ANKFN1: variants seen among roughly 807,000 people sequenced by gnomAD.
ANKFN1 encodes the protein ankyrin repeat and fibronectin type III domain containing 1.
ANKFN1 carries 74 observed loss-of-function variants against 108.7 expected under a neutral mutation model. That is an observed-to-expected ratio of 0.68 (90% CI 0.56 to 0.83). The LOEUF (loss-of-function observed/expected upper bound fraction) is 0.83. Among genes scored for constraint, ANKFN1 ranks in the 40% least tolerant of loss-of-function variants. The pLI, the probability that ANKFN1 is intolerant of heterozygous loss-of-function variation, is 0.00. For missense variants in ANKFN1, 1,505 were observed against 1,382.3 expected, an observed-to-expected ratio of 1.09 and a Z score of -1.41; for synonymous variants, 547 against 516.2, an observed-to-expected ratio of 1.06 and a Z score of -0.81.
At chr17:56,441,213 G>T (rs2049092172) in intron 9 of ANKFN1, among the ~76,000 whole-genome samples, 1 of 151,882 alleles carries the variant, frequency 6.6e-6, no homozygotes, top group Admixed American at 6.6e-5. Context: ...ACCTTTTTCA[G>T]TCCAATTCAA....
At chr17:56,232,969 C>T (rs1313212781) in intron 3 of ANKFN1, among the ~76,000 whole-genome samples, 1 of 152,082 alleles carries the variant, frequency 6.6e-6, no homozygotes, top group Non-Finnish European at 1.5e-5. Flanking sequence ...CTAGACTTTA[C>T]TGGTTATGTG....
chr17:56,402,745 G>A (rs184261529), intron 8 of ANKFN1, among the ~76,000 whole-genome samples: 1 of 151,998 alleles, frequency 6.6e-6, no homozygotes, highest in African/African-American at 2.4e-5. Flanking sequence ...TTTCTGCTGT[G>A]TTTGGGTTTG....
chr17:56,306,356 C>G (rs556808424), intron 3 of ANKFN1, among the ~76,000 whole-genome samples: 1 of 152,162 alleles, frequency 6.6e-6, no homozygotes, highest in Non-Finnish European at 1.5e-5. Context: ...TTTCAGCATA[C>G]AAGTCCTGTA....
intron 4 of ANKFN1, among the ~76,000 whole-genome samples, chr17:56,071,657 T>C (rs1905122697): frequency 6.6e-6 from 1 of 152,172 alleles, no homozygotes; most frequent in Non-Finnish European, 1.5e-5. Flanking sequence ...TAAAAGGATA[T>C]CTATTACAAC....
intron 3 of ANKFN1, among the ~76,000 whole-genome samples, chr17:56,255,713 G>A (rs1019890275): frequency 1.3e-5 from 2 of 152,078 alleles, no homozygotes; most frequent in Non-Finnish European, 2.9e-5. Context: ...ATTATATATC[G>A]CACAGCATTT....
rs746390697 is a variant in ANKFN1, at chr17:56,466,579, G to GT, written c.1773+15dup. The GT allele has an allele frequency of 6.3e-7, 1 of 1,593,556 alleles. No individual in the cohort carries two copies. The highest frequency in any genetic ancestry group is 8.6e-7 in the Non-Finnish European group (1 of 1,169,076). ...CTACTGATAACCATCCAGGTATGTAGTTTTTTTCTTAATTCCCGGGTATAC... is the reference window on the plus strand; with the variant it reads ...CTACTGATAACCATCCAGGTATGTAGTTTTTTTTCTTAATTCCCGGGTATAC... On this transcript the variant is annotated intron_variant, in intron 15 of 20. Transcript: ENST00000682825.
chr17:56,230,041 C>A (rs569917872), intron 3 of ANKFN1, among the ~76,000 whole-genome samples: 1 of 152,178 alleles, frequency 6.6e-6, no homozygotes, highest in East Asian at 1.9e-4. Flanking sequence ...ATTATTCAAC[C>A]AATACAAATG....
intron 4 of ANKFN1, among the ~76,000 whole-genome samples, chr17:56,053,727 C>G (rs779097243): frequency 6.6e-6 from 1 of 152,042 alleles, no homozygotes; most frequent in Non-Finnish European, 1.5e-5. Context: ...GAGGAAACTC[C>G]GAACTGTTCT....
chr17:56,508,334 T>G (rs1289453943), intron 20 of ANKFN1, among the ~76,000 whole-genome samples: 2 of 152,236 alleles, frequency 1.3e-5, no homozygotes, highest in Non-Finnish European at 2.9e-5. Flanking sequence ...TACCCTCCTC[T>G]GGTTCCACCC....
intron 14 of ANKFN1, among the ~76,000 whole-genome samples, chr17:56,462,498 G>T (rs1341851507): frequency 6.6e-6 from 1 of 152,168 alleles, no homozygotes; most frequent in Non-Finnish European, 1.5e-5. Flanking sequence ...GGAGGCTAAG[G>T]CAGGAGAATC....
At chr17:56,126,354 C>G (rs989839026) in intron 4 of ANKFN1, among the ~76,000 whole-genome samples, 3 of 152,110 alleles carry the variant, frequency 2.0e-5, no homozygotes, top group Non-Finnish European at 4.4e-5. Context: ...CAGCGGATCA[C>G]AATGAAGGCA....
At chr17:56,417,113 T>TA (rs925367801) in intron 8 of ANKFN1, among the ~76,000 whole-genome samples, 21 of 152,054 alleles carry the variant, frequency 1.4e-4, no homozygotes, top group African/African-American at 4.8e-4. Flanking sequence ...GGGTACAAAA[T>TA]AAAAATAGTT....
intron 2 of ANKFN1, among the ~76,000 whole-genome samples, chr17:56,216,012 C>CA: frequency 6.6e-6 from 1 of 152,178 alleles, no homozygotes; most frequent in East Asian, 1.9e-4. Flanking sequence ...TGCTCCGATT[C>CA]ATAAGGAATT....
chr17:56,120,308 G>A (rs1296520189), intron 4 of ANKFN1, among the ~76,000 whole-genome samples: 6 of 152,054 alleles, frequency 3.9e-5, no homozygotes, highest in Non-Finnish European at 7.4e-5. Context: ...TACAAGCCAC[G>A]TTTTCCACTG....
chr17:56,239,810 C>A (rs1462015928), intron 3 of ANKFN1, among the ~76,000 whole-genome samples: 1 of 152,030 alleles, frequency 6.6e-6, no homozygotes, highest in East Asian at 1.9e-4. Flanking sequence ...AAATGGGGTT[C>A]CTCAGATTGA....
At chr17:56,419,247 C>CAATACAGGA in intron 8 of ANKFN1, among the ~76,000 whole-genome samples, 1 of 152,004 alleles carries the variant, frequency 6.6e-6, no homozygotes, top group African/African-American at 2.4e-5. Context: ...TTTGGGAGGC[C>CAATACAGGA]GAGGCGGGCA....
chr17:56,215,238 C>T (rs1168141582), intron 2 of ANKFN1, among the ~76,000 whole-genome samples: 2 of 152,196 alleles, frequency 1.3e-5, no homozygotes, highest in African/African-American at 4.8e-5. Flanking sequence ...TGTGAGAGCA[C>T]CACACTGCAT....
chr17:56,275,253 T>A (rs1023197787), intron 3 of ANKFN1, among the ~76,000 whole-genome samples: 1 of 151,718 alleles, frequency 6.6e-6, no homozygotes, highest in Admixed American at 6.6e-5. Flanking sequence ...GATTTAACCC[T>A]GCTAAAAATT....
At chr17:56,171,614 A>ATT (rs1464056623) in intron 1 of ANKFN1, among the ~76,000 whole-genome samples, 2 of 152,194 alleles carry the variant, frequency 1.3e-5, no homozygotes, top group Non-Finnish European at 2.9e-5. Flanking sequence ...GGGGACTGGC[A>ATT]TTTCACTTTG....
Sources: gnomAD v4.1 joint callset for allele counts (sites outside exome capture counted in the v4.1 genomes callset) on GRCh38, gnomAD v4.1.1 for gene constraint, MANE v1.5 for transcripts, NCBI Gene and HGNC (gene_info 2026-07-23, HGNC 2026-07-21) for gene names.